Variants in CHRDL2 observed in about 807,000 individuals in gnomAD.
CHRDL2 encodes the protein chordin-like protein 2.
CHRDL2 carries 41 observed loss-of-function variants against 54.3 expected under a neutral mutation model. That is an observed-to-expected ratio of 0.76 (90% CI 0.59 to 0.98). The LOEUF (loss-of-function observed/expected upper bound fraction) is 0.98, where lower values mean the gene tolerates loss of function less well. Among genes scored for constraint, CHRDL2 ranks in the 50% least tolerant of loss-of-function variants. The pLI is 0.00. For synonymous variants in CHRDL2, 220 were observed against 224.3 expected (o/e 0.98, Z 0.17); for missense variants, 518 against 562.4 (o/e 0.92, Z 0.80).
intron 9 of CHRDL2, among the ~76,000 whole-genome samples, chr11:74,702,421 C>G (rs1216751602): frequency 6.6e-6 from 1 of 152,200 alleles, no homozygotes; most frequent in Non-Finnish European, 1.5e-5. Flanking sequence ...AGCCAGCCTC[C>G]AGGCCCTCCT....
intron 2 of CHRDL2, among the ~76,000 whole-genome samples, 155 bp from the exon 3 acceptor site, chr11:74,713,634 C>T (rs941741132): frequency 6.6e-6 from 1 of 152,196 alleles, no homozygotes; most frequent in Non-Finnish European, 1.5e-5. Context: ...CGGTTCCTCC[C>T]CATTCCTGCC....
chr11:74,730,849 G>C lies in CHRDL2; in HGVS notation c.40C>G (p.Leu14Val). The change falls in exon 1 of 11, where the codon CTC becomes GTC. Residue 14 changes from leucine (L) to valine (V), a missense_variant. Leu to Val is a conservative substitution (Grantham distance 32). Coordinates refer to ENST00000376332, the MANE Select transcript of CHRDL2 (RefSeq NM_001278473.3). ...TCCAGGGGGAACCAGAGCAGCGCGA[G>C]TCCCAGCAAGGAGGAGAGGACCCTC... ...EVRVLSSLLGLALLWFPLDSH... is the reference protein window; with the variant it reads ...EVRVLSSLLGVALLWFPLDSH... 3 of 1,612,974 alleles carry C rather than the reference G, an allele frequency of 1.9e-6. No homozygotes were observed. Among genetic ancestry groups the C allele is most frequent in the Non-Finnish European group, 2.5e-6 (3 of 1,179,686 alleles).
chr11:74,722,258 C>T (rs1027996847), intron 1 of CHRDL2, among the ~76,000 whole-genome samples: 3 of 152,180 alleles, frequency 2.0e-5, no homozygotes, highest in African/African-American at 7.2e-5. Flanking sequence ...CACCCCACCA[C>T]CAAGTCTCAT....
At chr11:74,726,055 C>A (rs2034567242) in intron 1 of CHRDL2, among the ~76,000 whole-genome samples, 1 of 152,158 alleles carries the variant, frequency 6.6e-6, no homozygotes, top group Non-Finnish European at 1.5e-5. Context: ...AAAGGAACTG[C>A]ATTTCTCTGA....
Position 74,697,192 on chromosome 11 carries a change from C to T in CHRDL2, c.1213+13G>A, listed in dbSNP as rs201965114. The T allele has an allele frequency of 2.1e-5, 34 of 1,609,484 alleles. No homozygotes were observed. In the Middle Eastern group the frequency reaches 8.5e-4, roughly 40 times the overall value. ...TTCCTGCCCCGGCCCCATTCCTCAG[C>T]CCAAGCTCCTACCTTCGTGGGGGCC... On this transcript the variant is annotated intron_variant, in intron 10 of 10. Coordinates refer to ENST00000376332, the MANE Select transcript of CHRDL2 (RefSeq NM_001278473.3).
At chr11:74,714,903 A>G (rs780722005) in intron 2 of CHRDL2, among the ~76,000 whole-genome samples, 21 of 152,190 alleles carry the variant, frequency 1.4e-4, no homozygotes, top group Non-Finnish European at 2.4e-4. Flanking sequence ...CACCTGGAAA[A>G]GCCCTTTGCA....
chr11:74,704,769 C>T, intron 6 of CHRDL2, 115 bp from the exon 7 acceptor site: 2 of 1,011,426 alleles, frequency 2.0e-6, no homozygotes, highest in Non-Finnish European at 3.0e-6. Flanking sequence ...AGCATGACTT[C>T]CCAGAGAAGA....
chr11:74,711,493 C>A (rs187341177), intron 3 of CHRDL2, among the ~76,000 whole-genome samples: 2 of 152,110 alleles, frequency 1.3e-5, no homozygotes, highest in African/African-American at 2.4e-5. Context: ...GCCCCCAGAG[C>A]CCCCCTCCCC....
Position 74,710,921 on chromosome 11 carries a change from G to A in CHRDL2, c.360C>T (p.His120=), listed in dbSNP as rs748176031. The A allele has an allele frequency of 1.7e-5, 28 of 1,614,026 alleles. No individual in the cohort carries two copies. In the Admixed American group the frequency reaches 1.8e-4, roughly 11 times the overall value. Residue 120 remains histidine, a synonymous_variant, in exon 4 of 11, where the codon CAC becomes CAT. Transcript: ENST00000376332. ...SCQHNGTMYQ[H]GEIFSAHELF... ...GCTCATGGGCACTGAAGATCTCTCC[G>A]TGTTGGTACATGGTCCCGTTGTGCT...
At chr11:74,702,758 A>C in intron 9 of CHRDL2, 36 bp downstream of exon 9, 1 of 1,611,822 alleles carries the variant, frequency 6.2e-7, no homozygotes, top group Non-Finnish European at 8.5e-7. Context: ...GGGACTGGCC[A>C]GAGGTACACC....
intron 9 of CHRDL2, chr11:74,699,037 A>T (rs1484573553): frequency 6.6e-6 from 1 of 152,340 alleles, no homozygotes; most frequent in African/African-American, 2.4e-5. Context: ...AGTTCCAGGA[A>T]TCAGGAAATG....
At chr11:74,716,532 T>C (rs901056177) in intron 2 of CHRDL2, among the ~76,000 whole-genome samples, 2 of 95,562 alleles carry the variant, frequency 2.1e-5, no homozygotes, top group African/African-American at 4.4e-5. Flanking sequence ...ACAGCATGAC[T>C]CCATCTCCAA....
intron 4 of CHRDL2, 47 bp from the exon 5 acceptor site, chr11:74,708,442 TAG>T: frequency 7.1e-7 from 1 of 1,415,418 alleles, no homozygotes; most frequent in Non-Finnish European, 9.6e-7. Flanking sequence ...TGATAAGGGC[TAG>T]CCTTGGGGGC....
At position 74,712,789 on chromosome 11, in the gene CHRDL2, G is replaced by A. The variant is rs190462894; in HGVS notation, c.289+597C>T. Among the ~76,000 whole-genome samples, 4 of 152,210 alleles carry A rather than the reference G, an allele frequency of 2.6e-5. No homozygotes were observed. The East Asian group carries it at 7.7e-4, about 29-fold the overall frequency. On this transcript the variant is annotated intron_variant, in intron 3 of 10. Coordinates refer to ENST00000376332, the MANE Select transcript of CHRDL2 (RefSeq NM_001278473.3). Reference sequence around the variant, plus strand: ...CTGGCTGCCCCTCACTGGACACTTGGTTTTGCCAGTTTCTTCCTAGACCAC... The same window carrying A: ...CTGGCTGCCCCTCACTGGACACTTGATTTTGCCAGTTTCTTCCTAGACCAC...
chr11:74,716,591 C>T (rs1174726471), intron 2 of CHRDL2, among the ~76,000 whole-genome samples: 2 of 146,724 alleles, frequency 1.4e-5, no homozygotes, highest in Non-Finnish European at 3.0e-5. Context: ...GAGAATAAGA[C>T]AGAAGCAGAG....
At chr11:74,716,951 G>T (rs1382944152) in intron 2 of CHRDL2, among the ~76,000 whole-genome samples, 11 of 152,066 alleles carry the variant, frequency 7.2e-5, no homozygotes. Context: ...AAAATTAGCT[G>T]GGCATGGTGG....
Position 74,704,643 on chromosome 11 carries a change from C to G in CHRDL2, c.594G>C (p.Gln198His), listed in dbSNP as rs545075786. The change falls in exon 7 of 11, where the codon CAG (glutamine) becomes CAC (histidine). Residue 198 changes from glutamine to histidine, a missense_variant. Gln to His is a conservative substitution (Grantham distance 24). Transcript: ENST00000376332. ...VQSLHGVRHPQDPCSSDAGRK... is the reference protein window; with the variant it reads ...VQSLHGVRHPHDPCSSDAGRK... ...TCCCAGCATCACTGGAACATGGATC[C>G]TGAGGATGTCTCTGCAAATGGCAGG... The G allele has an allele frequency of 2.5e-6, 4 of 1,606,186 alleles. No homozygotes were observed. The East Asian group carries it at 6.7e-5, about 27-fold the overall frequency.
At chr11:74,720,827 AT>A (rs2034485821) in intron 1 of CHRDL2, among the ~76,000 whole-genome samples, 1 of 152,014 alleles carries the variant, frequency 6.6e-6, no homozygotes, top group South Asian at 2.1e-4. Context: ...ACAGGAGCTC[AT>A]GGGCCATTCC....
At chr11:74,716,956 T>C (rs1009992329) in intron 2 of CHRDL2, among the ~76,000 whole-genome samples, 1 of 152,106 alleles carries the variant, frequency 6.6e-6, no homozygotes, top group African/African-American at 2.4e-5. Context: ...TAGCTGGGCA[T>C]GGTGGCACAC....
Sources: allele counts gnomAD v4.1 joint callset (sites outside exome capture counted in the v4.1 genomes callset), GRCh38; gene constraint gnomAD v4.1.1; transcripts MANE v1.5; gene names NCBI Gene and HGNC (gene_info 2026-07-23, HGNC 2026-07-21).